The following CDH18 variants were observed in gnomAD, a reference collection of about 807,000 sequenced individuals.
The protein encoded by CDH18 is cadherin-18.
CDH18 carries 31 observed loss-of-function variants against 67.9 expected under a neutral mutation model. The ratio of observed to expected loss-of-function variants is 0.46; its 90% CI spans 0.34 to 0.62. The LOEUF is 0.62. CDH18 is among the 20% of genes least tolerant of loss of function. The pLI, the probability that CDH18 is intolerant of heterozygous loss-of-function variation, is 0.01. For missense variants in CDH18, 890 were observed against 975.5 expected (o/e 0.91, Z 1.17); for synonymous variants, 362 against 347.2 (o/e 1.04, Z -0.48).
chr5:20,103,874 G>T (rs1444544645), intron 2 of CDH18, among the ~76,000 whole-genome samples: 1 of 150,882 alleles, frequency 6.6e-6, no homozygotes. Flanking sequence ...GAGATTGAAG[G>T]TTAACCTGTA....
rs553059438 is a variant in CDH18 at position 19,791,371 on chromosome 5, A to ACACG, written c.229-44136_229-44135insCGTG. Among the ~76,000 whole-genome samples, 1,082 of 151,806 alleles carry ACACG rather than the reference A, an allele frequency of 7.1e-3. 5 individuals are homozygous for ACACG. Among genetic ancestry groups the ACACG allele is most frequent in the African/African-American group, 0.014 (585 of 41,382 alleles). Reference sequence around the variant, plus strand: ...TCGACTTTTAAACACACACACACACACACACACACACACACACACATCTGT... The same window carrying ACACG: ...TCGACTTTTAAACACACACACACACACACGCACACACACACACACACACATCTGT... On this transcript the variant is annotated intron_variant, in intron 3 of 12. Coordinates refer to ENST00000382275, the MANE Select transcript of CDH18 (RefSeq NM_004934.5).
intron 1 of CDH18, among the ~76,000 whole-genome samples, chr5:20,389,521 TC>T (rs1443601505): frequency 6.6e-6 from 1 of 152,090 alleles, no homozygotes; most frequent in Non-Finnish European, 1.5e-5. Flanking sequence ...GCTGTCTGTG[TC>T]TTTAATTGGA....
At chr5:20,426,361 G>A (rs1326148088) in intron 1 of CDH18, among the ~76,000 whole-genome samples, 2 of 150,986 alleles carry the variant, frequency 1.3e-5, no homozygotes, top group African/African-American at 5.0e-5. Flanking sequence ...ACTACTAGAG[G>A]ATTCTTGAGA....
chr5:19,530,851 G>C (rs1458034559), intron 9 of CDH18, among the ~76,000 whole-genome samples: 1 of 151,820 alleles, frequency 6.6e-6, no homozygotes. Flanking sequence ...CATTTGGCTT[G>C]GTTCCAAGTC....
intron 5 of CDH18, among the ~76,000 whole-genome samples, chr5:19,613,071 G>C (rs1034013907): frequency 4.6e-5 from 7 of 152,090 alleles, no homozygotes; most frequent in African/African-American, 1.7e-4. Flanking sequence ...CTTGAACCCA[G>C]AAGACGGAGG....
chr5:19,746,844 C>A (rs1016356290), intron 4 of CDH18, 98 bp downstream of exon 4: 1 of 935,236 alleles, frequency 1.1e-6, no homozygotes, highest in Admixed American at 2.5e-5. Flanking sequence ...TATATCCCCT[C>A]CAGATATATA....
At chr5:20,339,172 A>G (rs958188516) in intron 1 of CDH18, among the ~76,000 whole-genome samples, 1 of 150,608 alleles carries the variant, frequency 6.6e-6, no homozygotes, top group Non-Finnish European at 1.5e-5. Context: ...TTCAGCCTCC[A>G]CTCCCCTCAA....
intron 1 of CDH18, among the ~76,000 whole-genome samples, chr5:19,985,614 T>A (rs1799484033): frequency 1.3e-5 from 2 of 151,772 alleles, no homozygotes; most frequent in Admixed American, 1.3e-4. Flanking sequence ...ATGATAGAGC[T>A]CACAATACCA....
chr5:19,965,246 C>T (rs756145794), intron 2 of CDH18, among the ~76,000 whole-genome samples: 17 of 152,028 alleles, frequency 1.1e-4, no homozygotes, highest in Non-Finnish European at 2.5e-4. Flanking sequence ...TTTATAAAAA[C>T]ACAAGTTTCA....
At chr5:20,460,785 T>A (rs531704712) in intron 1 of CDH18, among the ~76,000 whole-genome samples, 1 of 152,282 alleles carries the variant, frequency 6.6e-6, no homozygotes, top group African/African-American at 2.4e-5. Flanking sequence ...TGAAATACAG[T>A]GATATTCGAT....
intron 2 of CDH18, among the ~76,000 whole-genome samples, chr5:20,124,503 T>C (rs941877392): frequency 6.6e-6 from 1 of 152,194 alleles, no homozygotes; most frequent in South Asian, 2.1e-4. Flanking sequence ...AAATAAATCA[T>C]ATTCAGAAAA....
intron 5 of CDH18, among the ~76,000 whole-genome samples, chr5:19,718,378 GACT>G: frequency 6.6e-6 from 1 of 152,016 alleles, no homozygotes; most frequent in Middle Eastern, 3.4e-3. Flanking sequence ...CATTATAAGT[GACT>G]ACTATTTCCA....
chr5:20,126,877 A>T (rs1748877695), intron 2 of CDH18, among the ~76,000 whole-genome samples: 1 of 152,234 alleles, frequency 6.6e-6, no homozygotes, highest in Non-Finnish European at 1.5e-5. Flanking sequence ...AAAATGGTAC[A>T]TGATGAAAAC....
Position 19,987,253 on chromosome 5 carries a change from A to AACACACACAC in CDH18, c.-376+823_-376+832dup, listed in dbSNP as rs10654722. On this transcript the variant is annotated intron_variant, in intron 1 of 12. Transcript: ENST00000382275. ...TGCCTAGAGCCACATCTGTACAGAC[A>AACACACACAC]ACACACACACACACACACACACACA... Among the ~76,000 whole-genome samples, 428 of 144,428 alleles carry AACACACACAC rather than the reference A, an allele frequency of 3.0e-3. 5 individuals carry two copies. Among genetic ancestry groups the AACACACACAC allele is most frequent in the African/African-American group, 0.01 (409 of 39,418 alleles). 94.8% of individuals were successfully genotyped at this position (144,428 alleles called of 152,430 possible).
At chr5:19,561,084 A>G (rs1225415165) in intron 8 of CDH18, among the ~76,000 whole-genome samples, 1 of 152,140 alleles carries the variant, frequency 6.6e-6, no homozygotes, top group African/African-American at 2.4e-5. Flanking sequence ...TACAACCACT[A>G]CGGAAAACAG....
chr5:20,506,753 T>C (rs1241618747), intron 1 of CDH18, among the ~76,000 whole-genome samples: 1 of 152,244 alleles, frequency 6.6e-6, no homozygotes, highest in African/African-American at 2.4e-5. Flanking sequence ...ATAACTAATG[T>C]ACTGCTAATT....
chr5:20,473,921 T>C (rs1221816100), intron 1 of CDH18, among the ~76,000 whole-genome samples: 1 of 152,130 alleles, frequency 6.6e-6, no homozygotes, highest in African/African-American at 2.4e-5. Flanking sequence ...TTCCCTCTTA[T>C]CCACCTCAAA....
chr5:19,722,709 G>A (rs1766267293), intron 4 of CDH18, among the ~76,000 whole-genome samples: 1 of 151,534 alleles, frequency 6.6e-6, no homozygotes, highest in South Asian at 2.1e-4. Context: ...TGTACCTGAT[G>A]AATCATCTAA....
In CDH18 at chr5:19,473,385, A is replaced by G. The variant is rs777102691; in HGVS notation, c.2214T>C (p.Tyr738=). The G allele has an allele frequency of 6.2e-7, 1 of 1,613,898 alleles. No individual in the cohort carries two copies. Among genetic ancestry groups the G allele is most frequent in the South Asian group, 1.1e-5 (1 of 91,086 alleles). Residue 738 remains tyrosine, a synonymous_variant, in exon 13 of 13, where the codon TAT becomes TAC. Coordinates refer to ENST00000382275, the MANE Select transcript of CDH18 (RefSeq NM_004934.5). ...SVPPYDSLQT[Y]AYEGQRSEAG... ...CTTCTGATCTCTGACCCTCATAGGC[A>G]TAAGTCTGAAGAGAGTCATAAGGGG... is the stretch of plus-strand genomic sequence containing the variant.
Sources: allele counts gnomAD v4.1 joint callset (sites outside exome capture counted in the v4.1 genomes callset), GRCh38; gene constraint gnomAD v4.1.1; transcripts MANE v1.5; gene names NCBI Gene and HGNC (gene_info 2026-07-23, HGNC 2026-07-21).